The following TTC7B variants were observed in gnomAD, a reference collection of about 807,000 sequenced individuals.
TTC7B encodes tetratricopeptide repeat protein 7B.
In TTC7B, 28 loss-of-function variants were observed where a neutral mutation model predicts 106.8. The observed-to-expected ratio is 0.26, with a 90% CI of 0.19 to 0.36. The LOEUF (loss-of-function observed/expected upper bound fraction) is 0.36. TTC7B is among the 10% of genes least tolerant of loss of function. The probability of loss-of-function intolerance (pLI) is 1.00; values close to 1 mark genes in which losing one functional copy is unlikely to be tolerated. For synonymous variants in TTC7B, 405 were observed against 430.6 expected, an observed-to-expected ratio of 0.94 and a Z score of 0.74; for missense variants, 862 against 1,076.4, an observed-to-expected ratio of 0.80 and a Z score of 2.79.
intron 18 of TTC7B, among the ~76,000 whole-genome samples, chr14:90,590,654 A>G (rs1343078692): frequency 2.6e-5 from 4 of 152,254 alleles, no homozygotes; most frequent in Non-Finnish European, 5.9e-5. Flanking sequence ...TTTGCCTCTC[A>G]GAGCAGTGGA....
intron 7 of TTC7B, among the ~76,000 whole-genome samples, chr14:90,684,583 A>C (rs1887183387): frequency 6.6e-6 from 1 of 152,224 alleles, no homozygotes. Flanking sequence ...AATATGGGTG[A>C]ATAGTTCAAA....
At chr14:90,582,315 G>A (rs1044981317) in intron 18 of TTC7B, among the ~76,000 whole-genome samples, 1 of 152,206 alleles carries the variant, frequency 6.6e-6, no homozygotes, top group African/African-American at 2.4e-5. Context: ...TTGGCCCTGC[G>A]CCTCATGTGT....
intron 17 of TTC7B, among the ~76,000 whole-genome samples, chr14:90,603,100 C>T (rs771598372): frequency 3.9e-5 from 6 of 152,192 alleles, no homozygotes; most frequent in Admixed American, 6.5e-5. Flanking sequence ...GAGGGATGGG[C>T]TCCAGGTGGC....
intron 17 of TTC7B, among the ~76,000 whole-genome samples, chr14:90,609,456 G>C (rs1892789562): frequency 6.6e-6 from 1 of 152,202 alleles, no homozygotes; most frequent in African/African-American, 2.4e-5. Flanking sequence ...GGCCAGGCTT[G>C]AACATCACAT....
rs190329574 is a variant in TTC7B, at chr14:90,594,493, G to A, written c.1967-867C>T. 2.0e-3 allele frequency among the ~76,000 whole-genome samples: 299 copies of A among 152,176 alleles called. 1 individual carries two copies. Among genetic ancestry groups the A allele is most frequent in the South Asian group, 5.0e-3 (24 of 4,806 alleles). On this transcript the variant is annotated intron_variant, in intron 17 of 19. Transcript: ENST00000328459. ...CCATCTCTTTCCAACATTCACTCTT[G>A]GAGATGTGGTTTTAGAATCAAGAGC...
rs57020065 is a variant in TTC7B, at chr14:90,688,621, CAAAAAAAAAAAAAAAAAA to C, written c.950+901_950+918del. ...CTGGTGACAGAGAGAGGCTCTGTCT[CAAAAAAAAAAAAAAAAAA>C]AAAAAAAAAAAAAAAAAAATTAGCT... On this transcript the variant is annotated intron_variant, in intron 7 of 19. Coordinates refer to ENST00000328459, the MANE Select transcript of TTC7B (RefSeq NM_001010854.2). 6.8e-4 allele frequency among the ~76,000 whole-genome samples: 37 copies of C among 54,488 alleles called. 1 individual carries two copies. The highest frequency in any genetic ancestry group is 1.2e-3 in the East Asian group (2 of 1,602). The allele number at this position is 54,488 out of a possible 152,430, so 35.7% of individuals were successfully genotyped here.
At position 90,652,839 on chromosome 14, in the gene TTC7B, A is replaced by C; in HGVS notation, c.1517+2T>G. On this transcript the variant is annotated splice_donor_variant, in intron 13 of 19. Coordinates refer to ENST00000328459, the MANE Select transcript of TTC7B (RefSeq NM_001010854.2). LOFTEE classifies it high-confidence loss of function. ...CGAGTGAAAAGATGAACTCCCACTC[A>C]CCTCTGAAATGCAAGAAGCGCCTTT... 1 of 1,614,144 alleles carries C rather than the reference A, an allele frequency of 6.2e-7. No individual in the cohort carries two copies. Among genetic ancestry groups the C allele is most frequent in the Non-Finnish European group, 8.5e-7 (1 of 1,180,026 alleles).
intron 16 of TTC7B, among the ~76,000 whole-genome samples, chr14:90,611,211 C>T (rs1011720679): frequency 6.6e-5 from 10 of 152,196 alleles, no homozygotes; most frequent in African/African-American, 1.7e-4. Flanking sequence ...TCCATGAACA[C>T]GCCATCCATG....
At chr14:90,588,318 C>G (rs1219304371) in intron 18 of TTC7B, among the ~76,000 whole-genome samples, 1 of 152,228 alleles carries the variant, frequency 6.6e-6, no homozygotes, top group Non-Finnish European at 1.5e-5. Flanking sequence ...TCTTGCATAT[C>G]TAAGAATAGC....
At position 90,610,772 on chromosome 14, in the gene TTC7B, T is replaced by C; in HGVS notation, c.1936A>G (p.Thr646Ala). Residue 646 changes from threonine to alanine, a missense_variant, in exon 17 of 20, where the codon ACT (threonine) becomes GCT (alanine). By Grantham distance (58) the Thr-to-Ala change is moderately conservative. Coordinates refer to ENST00000328459, the MANE Select transcript of TTC7B (RefSeq NM_001010854.2). ...TCGGGATCGCTGAAGTCTGGCAAAG[T>C]AATTGTATTAAGCTGTCGTCTGTCA... is the stretch of plus-strand genomic sequence containing the variant. ...IADRRQLNTI[T>A]LPDFSDPETG... The C allele has an allele frequency of 1.9e-6, 3 of 1,614,030 alleles. No individual in the cohort carries two copies. The highest frequency in any genetic ancestry group is 2.5e-6 in the Non-Finnish European group (3 of 1,179,920).
chr14:90,713,407 C>T (rs888086557), intron 5 of TTC7B, among the ~76,000 whole-genome samples: 2 of 152,166 alleles, frequency 1.3e-5, no homozygotes, highest in African/African-American at 2.4e-5. Context: ...TGAGCCACTG[C>T]GCCCAGCAAG....
chr14:90,738,936 G>A (rs1889650972), intron 4 of TTC7B, among the ~76,000 whole-genome samples: 1 of 152,090 alleles, frequency 6.6e-6, no homozygotes, highest in Admixed American at 6.5e-5. Context: ...GAGGTAAGAG[G>A]ATCGCTTCGG....
At chr14:90,568,168 T>C (rs1595165848) in intron 19 of TTC7B, among the ~76,000 whole-genome samples, 1 of 151,702 alleles carries the variant, frequency 6.6e-6, no homozygotes, top group Non-Finnish European at 1.5e-5. Flanking sequence ...GGGATGGGGG[T>C]GGCTGAGGAA....
In TTC7B at chr14:90,529,396, T is replaced by A. The variant is rs1052458854; in HGVS notation, c.*11972A>T. ...GTTAACAGACCACTTCTTGGAGTCA[T>A]GAGGATTAACTCAGTGAGCCCATGG... is the stretch of plus-strand genomic sequence containing the variant. On this transcript the variant is annotated 3_prime_UTR_variant, in exon 20 of 20. Coordinates refer to ENST00000328459, the MANE Select transcript of TTC7B (RefSeq NM_001010854.2). 1 of 152,282 alleles carries A rather than the reference T, an allele frequency of 6.6e-6. No individual in the cohort carries two copies. Among genetic ancestry groups the A allele is most frequent in the African/African-American group, 2.4e-5 (1 of 41,448 alleles). 9.4% of individuals were successfully genotyped at this position (152,282 alleles called of 1,614,324 possible).
intron 19 of TTC7B, among the ~76,000 whole-genome samples, chr14:90,571,431 C>T (rs1438962548): frequency 1.3e-5 from 2 of 152,198 alleles, no homozygotes; most frequent in Non-Finnish European, 2.9e-5. Context: ...AGGGCCTGTG[C>T]ACTTTTCAGG....
intron 19 of TTC7B, among the ~76,000 whole-genome samples, chr14:90,558,712 C>A (rs2139780857): frequency 6.6e-6 from 1 of 152,370 alleles, no homozygotes; most frequent in East Asian, 1.9e-4. Flanking sequence ...CTCTGCCCTG[C>A]CGGCCTCTGT....
intron 19 of TTC7B, among the ~76,000 whole-genome samples, chr14:90,574,400 C>T (rs1006686309): frequency 1.9e-4 from 29 of 152,230 alleles, no homozygotes; most frequent in Admixed American, 1.8e-3. Flanking sequence ...CCTGCCCATC[C>T]TCAGCAATCT....
At chr14:90,555,563 C>T (rs893276692) in intron 19 of TTC7B, among the ~76,000 whole-genome samples, 19 of 152,198 alleles carry the variant, frequency 1.2e-4, no homozygotes, top group African/African-American at 2.2e-4. Flanking sequence ...GGGGACAGCA[C>T]GGCTCCCTTC....
rs74743291 is a variant in TTC7B, at chr14:90,775,796, G to A, written c.445+4942C>T. The stretch of plus-strand genomic sequence containing the variant: ...ATGACTGTGCTGGTGGGAGATGACC[G>A]TGCTGGCCCCATTTGCTCTTCAGAG... On this transcript the variant is annotated intron_variant, in intron 3 of 19. Transcript: ENST00000328459. Among the ~76,000 whole-genome samples the A allele has an allele frequency of 7.9e-5, 12 of 152,232 alleles. No homozygotes were observed. The East Asian group carries it at 1.5e-3, about 20-fold the overall frequency.
Sources: allele counts gnomAD v4.1 joint callset (sites outside exome capture counted in the v4.1 genomes callset), GRCh38; gene constraint gnomAD v4.1.1; transcripts MANE v1.5; gene names NCBI Gene and HGNC (gene_info 2026-07-23, HGNC 2026-07-21).